Variants in ACR observed in about 807,000 individuals in gnomAD.
ACR encodes acrosin light and heavy chain prepropeptide.
ACR carries 17 observed loss-of-function variants against 26.0 expected under a neutral mutation model. That is an observed-to-expected ratio of 0.65 (90% CI 0.45 to 0.98). ACR has a LOEUF of 0.98. Ranked by LOEUF, ACR falls within the 50% of genes least tolerant of loss-of-function variation. The probability of loss-of-function intolerance (pLI) is 0.00; values close to 1 mark genes in which losing one functional copy is unlikely to be tolerated. For missense variants in ACR, 435 were observed against 519.3 expected, an observed-to-expected ratio of 0.84 and a Z score of 1.58; for synonymous variants, 199 against 207.7, an observed-to-expected ratio of 0.96 and a Z score of 0.36.
Position 50,739,260 on chromosome 22 carries a change from T to A in ACR, c.78-11T>A. The A allele has an allele frequency of 6.4e-7, 1 of 1,558,966 alleles. No individual in the cohort carries two copies. Among genetic ancestry groups the A allele is most frequent in the African/African-American group, 1.4e-5 (1 of 73,456 alleles). On this transcript the variant is annotated splice_polypyrimidine_tract_variant and intron_variant, in intron 1 of 4. Coordinates refer to ENST00000216139, the MANE Select transcript of ACR (RefSeq NM_001097.3). This position sits in a 1 kb window ranked among gnomAD's most constrained non-coding sequence, Gnocchi z 5.5. ...ATGCCAGGTTTGAACTGTGCTCTGG[T>A]CTCTCCCCAGTGGCCCCTGTGGGTT...
rs116026001 is a variant in ACR, at chr22:50,739,098, A to G, written c.78-173A>G. Reference sequence around the variant, plus strand: ...CCTGAGAAGTCGTGGCCCCAGAACCATTTCCTAGAGCCTGCGGCTTCCTAC... The same window carrying G: ...CCTGAGAAGTCGTGGCCCCAGAACCGTTTCCTAGAGCCTGCGGCTTCCTAC... On this transcript the variant is annotated intron_variant, in intron 1 of 4. Transcript: ENST00000216139. The surrounding 1 kb of genome is among the most constrained non-coding windows in gnomAD (Gnocchi z 5.5). Among the ~76,000 whole-genome samples the G allele has an allele frequency of 7.4e-3, 1,120 of 152,138 alleles. 14 individuals carry two copies. The highest frequency in any genetic ancestry group is 0.026 in the African/African-American group (1,078 of 41,502).
rs1384789480 is a variant in ACR, at chr22:50,745,020, C to G, written c.1079C>G (p.Pro360Arg). The change falls in exon 5 of 5, where the codon CCT (proline) becomes CGT (arginine). Residue 360 changes from proline to arginine, a missense_variant. This residue lies in a region of ACR where 92 missense variants were observed against 87.8 expected (regional missense o/e 1.05). Transcript: ENST00000216139. ...PPPPPPPPASPLPPPPPPPPP... is the reference protein window; with the variant it reads ...PPPPPPPPASRLPPPPPPPPP... ...CCCCCACCCCCACCTCCAGCCTCAC[C>G]TTTACCCCCACCCCCACCCCCACCC... is the stretch of plus-strand genomic sequence containing the variant. The G allele has an allele frequency of 1.2e-6, 1 of 805,196 alleles. No individual in the cohort carries two copies. Among genetic ancestry groups the G allele is most frequent in the South Asian group, 1.7e-5 (1 of 57,518 alleles). 49.9% of individuals were successfully genotyped at this position (805,196 alleles called of 1,614,324 possible).
chr22:50,742,909 G>A (rs1189356693), intron 3 of ACR, among the ~76,000 whole-genome samples: 43 of 151,258 alleles, frequency 2.8e-4, no homozygotes, highest in Non-Finnish European at 1.3e-4. Context: ...TGCGGTGGGG[G>A]CCAGAGTGGC....
chr22:50,744,752 C>A lies in ACR; in HGVS notation c.811C>A (p.Arg271Ser). 1 of 1,607,802 alleles carries A rather than the reference C, an allele frequency of 6.2e-7. No individual in the cohort carries two copies. The highest frequency in any genetic ancestry group is 1.1e-5 in the South Asian group (1 of 90,666). The change falls in exon 5 of 5, where the codon CGC (arginine) becomes AGC (serine). Residue 271 changes from arginine to serine, a missense_variant. Arg to Ser is a moderately radical substitution (Grantham distance 110, BLOSUM62 -1). Transcript: ENST00000216139. Reference protein sequence around the residue: ...SWGVGCARAKRPGIYTATWPY... With the variant: ...SWGVGCARAKSPGIYTATWPY... Reference sequence around the variant, plus strand: ...GGGGGTAGGCTGTGCCCGTGCCAAGCGCCCCGGAATCTACACGGCCACCTG... The same window carrying A: ...GGGGGTAGGCTGTGCCCGTGCCAAGAGCCCCGGAATCTACACGGCCACCTG...
chr22:50,743,140 A>G (rs6009960), intron 3 of ACR, among the ~76,000 whole-genome samples: 103,153 of 146,770 alleles, frequency 0.7, 36,807 homozygotes, highest in African/African-American at 0.79. Flanking sequence ...GGTTCACGCC[A>G]TTCTCCTGCC....
At chr22:50,740,900 A>C (rs1396960978) in intron 3 of ACR, 4 of 576,754 alleles carry the variant, frequency 6.9e-6, no homozygotes. Context: ...CTCTCCCTAC[A>C]TACTTAGGCA....
At position 50,738,223 on chromosome 22, in the gene ACR, C is replaced by G; in HGVS notation, c.-13C>G. ...GAGGTCACTAGGCTTGCAGGCCAGG[C>G]AGTGCCAGGAGTATGGTTGAGATGC... On this transcript the variant is annotated 5_prime_UTR_variant, in exon 1 of 5. Transcript: ENST00000216139. The G allele has an allele frequency of 6.2e-7, 1 of 1,613,872 alleles. No homozygotes were observed. Among genetic ancestry groups the G allele is most frequent in the Non-Finnish European group, 8.5e-7 (1 of 1,179,792 alleles).
Position 50,739,836 on chromosome 22 carries a change from G to T in ACR, c.424G>T (p.Asp142Tyr). ...ATACAACTCTGCGACAGAGGGAAAT[G>T]ACATTGCCCTCGTGGAGATCACCCC... Reference protein sequence around the residue: ...EKYNSATEGNDIALVEITPPI... With the variant: ...EKYNSATEGNYIALVEITPPI... Residue 142 changes from aspartate to tyrosine, a missense_variant, in exon 3 of 5, where the codon GAC (aspartate) becomes TAC (tyrosine). Around this residue, in one of 3 missense-constraint regions of ACR, gnomAD observed 314 missense variants for 372.0 expected, o/e 0.84. Coordinates refer to ENST00000216139, the MANE Select transcript of ACR (RefSeq NM_001097.3). The surrounding 1 kb of genome is among the most constrained non-coding windows in gnomAD (Gnocchi z 5.5). The T allele has an allele frequency of 6.2e-7, 1 of 1,611,538 alleles. No homozygotes were observed. The highest frequency in any genetic ancestry group is 8.5e-7 in the Non-Finnish European group (1 of 1,178,664).
At chr22:50,744,284 T>A (rs932518170) in intron 4 of ACR, 78 bp downstream of exon 4, 2 of 1,205,744 alleles carry the variant, frequency 1.7e-6, no homozygotes, top group Admixed American at 3.7e-5. Flanking sequence ...TCCTTTTGGA[T>A]CCCCAAGCTC....
intron 3 of ACR, 123 bp downstream of exon 3, chr22:50,740,100 G>T: frequency 7.8e-7 from 1 of 1,276,210 alleles, no homozygotes; most frequent in Admixed American, 1.9e-5. Flanking sequence ...GGCGCTACAC[G>T]TAGAGCCATC....
rs764169031 is a variant in ACR, at chr22:50,739,952, C to G, written c.540C>G (p.Ala180=). The change falls in exon 3 of 5, where the codon GCC becomes GCG. Residue 180 remains alanine (A), a synonymous_variant. Coordinates refer to ENST00000216139, the MANE Select transcript of ACR (RefSeq NM_001097.3). This position sits in a 1 kb window ranked among gnomAD's most constrained non-coding sequence, Gnocchi z 5.5. ...GAGGCTCCCAGAGCTGCTGGGTGGCCGGCTGGGGATATATAGAAGAGAAAG... is the reference window on the plus strand; with the variant it reads ...GAGGCTCCCAGAGCTGCTGGGTGGCGGGCTGGGGATATATAGAAGAGAAAG... The part of the protein sequence containing the change: ...LPRGSQSCWV[A]GWGYIEEKAP... 3.1e-6 allele frequency: 5 copies of G among 1,613,674 alleles called. No individual in the cohort carries two copies. In the Admixed American group the frequency reaches 5.0e-5, roughly 16 times the overall value.
chr22:50,743,089 G>A (rs1180773968), intron 3 of ACR, among the ~76,000 whole-genome samples: 8 of 151,724 alleles, frequency 5.3e-5, no homozygotes, highest in Admixed American at 2.6e-4. Context: ...GGGCTGGAGT[G>A]CAGTGGCGCC....
rs932518170 is a variant in ACR at position 50,744,284 on chromosome 22, T to C, written c.711+78T>C. Reference sequence around the variant, plus strand: ...CCCCTGAGAACATCCTCCTTTTGGATCCCCAAGCTCCACTATCTCCACTGC... The same window carrying C: ...CCCCTGAGAACATCCTCCTTTTGGACCCCCAAGCTCCACTATCTCCACTGC... On this transcript the variant is annotated intron_variant, in intron 4 of 4. Transcript: ENST00000216139. 18 of 1,205,746 alleles carry C rather than the reference T, an allele frequency of 1.5e-5. No homozygotes were observed. The African/African-American group carries it at 2.6e-4, about 17-fold the overall frequency. The allele number at this position is 1,205,746 out of a possible 1,614,324, so 74.7% of individuals were successfully genotyped here. A position where few individuals can be genotyped will look rare whatever the true frequency, so the allele number is the denominator to read the frequency against.
rs1159548101 is a variant in ACR at position 50,739,521 on chromosome 22, CAG to C, written c.281+52_281+53del. ...GGGAGGTCTTCAGAACGGCTCTTCT[CAG>C]AGAGGGGCGTTCCCCGGGGATGCTG... On this transcript the variant is annotated intron_variant, in intron 2 of 4. Coordinates refer to ENST00000216139, the MANE Select transcript of ACR (RefSeq NM_001097.3). The surrounding 1 kb of genome is among the most constrained non-coding windows in gnomAD (Gnocchi z 5.5). 6.2e-7 allele frequency: 1 copy of C among 1,606,814 alleles called. No individual in the cohort carries two copies. Among genetic ancestry groups the C allele is most frequent in the Non-Finnish European group, 8.5e-7 (1 of 1,174,232 alleles).
At chr22:50,740,604 G>A (rs1357714193) in intron 3 of ACR, 1 of 702,500 alleles carries the variant, frequency 1.4e-6, no homozygotes, top group Non-Finnish European at 2.6e-6. Context: ...TGGGTCATAG[G>A]CATCCCTGTA....
At position 50,744,127 on chromosome 22, in the gene ACR, C is replaced by T. The variant is rs537612569; in HGVS notation, c.632C>T (p.Ser211Leu). 57 of 1,610,358 alleles carry T rather than the reference C, an allele frequency of 3.5e-5. No individual in the cohort carries two copies. The highest frequency in any genetic ancestry group is 1.7e-4 in the Admixed American group (10 of 59,572). ...CTCATCGACCTGGACTTGTGTAACT[C>T]GACCCAGTGGTACAATGGGCGCGTT... ...VDLIDLDLCN[S>L]TQWYNGRVQP... The change falls in exon 4 of 5, where the codon TCG (serine) becomes TTG (leucine). Residue 211 changes from serine (S) to leucine (L), a missense_variant. Transcript: ENST00000216139.
rs140364806 is a variant in ACR at position 50,739,858 on chromosome 22, C to T, written c.446C>T (p.Thr149Ile). The T allele has an allele frequency of 1.3e-4, 206 of 1,612,204 alleles. 1 individual carries two copies. In the African/African-American group the frequency reaches 2.4e-3, roughly 19 times the overall value. ...AATGACATTGCCCTCGTGGAGATCA[C>T]CCCTCCCATTTCGTGTGGGCGCTTC... ...EGNDIALVEI[T>I]PPISCGRFIG... The change falls in exon 3 of 5, where the codon ACC (threonine) becomes ATC (isoleucine). Residue 149 changes from threonine to isoleucine, a missense_variant. Physicochemically the swap from Thr to Ile is moderately conservative, Grantham distance 89. Coordinates refer to ENST00000216139, the MANE Select transcript of ACR (RefSeq NM_001097.3). This position sits in a 1 kb window ranked among gnomAD's most constrained non-coding sequence, Gnocchi z 5.5.
Position 50,739,674 on chromosome 22 carries a change from G to C in ACR, c.282-20G>C. The C allele has an allele frequency of 6.5e-7, 1 of 1,536,684 alleles. No homozygotes were observed. Among genetic ancestry groups the C allele is most frequent in the South Asian group, 1.3e-5 (1 of 77,788 alleles). On this transcript the variant is annotated intron_variant, in intron 2 of 4. Transcript: ENST00000216139. The surrounding 1 kb of genome is among the most constrained non-coding windows in gnomAD (Gnocchi z 5.5). ...CTTTTGTCCAGCCGGTTGTGACCTG[G>C]CTTACCTTTGTGCCCACAGTAATGT... is the stretch of plus-strand genomic sequence containing the variant.
At position 50,739,973 on chromosome 22, in the gene ACR, G is replaced by A; in HGVS notation, c.561G>A (p.Glu187=). 6.2e-7 allele frequency: 1 copy of A among 1,613,470 alleles called. No individual in the cohort carries two copies. The highest frequency in any genetic ancestry group is 8.5e-7 in the Non-Finnish European group (1 of 1,180,016). The stretch of plus-strand genomic sequence containing the variant: ...TGGCCGGCTGGGGATATATAGAAGA[G>A]AAAGGTGAGTATGGGAGCGCCTCCA... ...CWVAGWGYIE[E]KAPRPSSILM... is the part of the protein sequence containing the mutation. Residue 187 remains glutamate, a synonymous_variant, in exon 3 of 5, where the codon GAG becomes GAA. Transcript: ENST00000216139. This position sits in a 1 kb window ranked among gnomAD's most constrained non-coding sequence, Gnocchi z 5.5.
Sources: gnomAD v4.1 joint callset for allele counts (sites outside exome capture counted in the v4.1 genomes callset) on GRCh38, gnomAD v4.1.1 for gene constraint, gnomAD v4.1.1 regional missense constraint, Gnocchi (gnomAD v3.1) non-coding constraint, MANE v1.5 for transcripts, NCBI Gene and HGNC (gene_info 2026-07-23, HGNC 2026-07-21) for gene names.